NR3C1: variants seen among roughly 807,000 people sequenced by gnomAD.
NR3C1 encodes the protein nuclear receptor subfamily 3 group C member 1.
Under a neutral mutation model 74.0 loss-of-function variants are expected in NR3C1, and 14 were observed. That is an observed-to-expected ratio of 0.19 (90% CI 0.12 to 0.30). NR3C1 has a LOEUF of 0.30. NR3C1 is among the 10% of genes least tolerant of loss of function. The pLI, the probability that NR3C1 is intolerant of heterozygous loss-of-function variation, is 1.00. For synonymous variants in NR3C1, 308 were observed against 332.5 expected (o/e 0.93, Z 0.80); for missense variants, 695 against 909.8 (o/e 0.76, Z 3.04).
In NR3C1 at chr5:143,321,947, G is replaced by A. The variant is rs560646275; in HGVS notation, c.1185-7779C>T. ...CCCATGTCTTGGGTCTCTCCATATC[G>A]CCAGCATCTTGTACAAAGTTCAGTA... On this transcript the variant is annotated intron_variant, in intron 2 of 8. Transcript: ENST00000394464. Among the ~76,000 whole-genome samples, 6 of 152,134 alleles carry A rather than the reference G, an allele frequency of 3.9e-5. No individual in the cohort carries two copies. The South Asian group carries it at 1.0e-3, about 26-fold the overall frequency.
chr5:143,324,540 G>C (rs1452299090), intron 2 of NR3C1, among the ~76,000 whole-genome samples: 2 of 152,194 alleles, frequency 1.3e-5, no homozygotes, highest in African/African-American at 4.8e-5. Flanking sequence ...GCCTGTGATG[G>C]GAAGGGCTGC....
chr5:143,411,509 G>A (rs1214854105), intron 1 of NR3C1, among the ~76,000 whole-genome samples: 2 of 152,154 alleles, frequency 1.3e-5, no homozygotes, highest in Admixed American at 1.3e-4. Context: ...TACCATGAAT[G>A]ACTTCTTTGC....
intron 1 of NR3C1, chr5:143,402,528 A>G (rs940704659): frequency 3.2e-6 from 3 of 930,062 alleles, no homozygotes; most frequent in Non-Finnish European, 3.8e-6. Flanking sequence ...AACAAACGCT[A>G]AAGAGCAAGC....
intron 2 of NR3C1, among the ~76,000 whole-genome samples, chr5:143,337,709 AAAGC>A (rs1284148123): frequency 6.6e-5 from 10 of 152,244 alleles, no homozygotes; most frequent in South Asian, 2.1e-4. Context: ...TTGAATGAAA[AAAGC>A]AAGATGCAAA....
At chr5:143,367,883 G>A (rs906315430) in intron 2 of NR3C1, among the ~76,000 whole-genome samples, 2 of 152,052 alleles carry the variant, frequency 1.3e-5, no homozygotes, top group African/African-American at 4.8e-5. Context: ...TTTTCTTCCA[G>A]AAATGGAGAG....
chr5:143,283,204 A>T (rs1258458196), intron 7 of NR3C1, among the ~76,000 whole-genome samples: 2 of 152,224 alleles, frequency 1.3e-5, no homozygotes, highest in Non-Finnish European at 2.9e-5. Flanking sequence ...TTATACATGC[A>T]AGATGGGCAT....
chr5:143,406,246 G>A (rs935770004), upstream of NR3C1, among the ~76,000 whole-genome samples: 3 of 151,392 alleles, frequency 2.0e-5, no homozygotes, highest in South Asian at 4.2e-4. Flanking sequence ...CCACCTCATC[G>A]CTCATACATG....
At chr5:143,288,669 C>T (rs145954157) in intron 7 of NR3C1, among the ~76,000 whole-genome samples, 7 of 152,056 alleles carry the variant, frequency 4.6e-5, no homozygotes, top group South Asian at 2.1e-4. Flanking sequence ...GACAGGGTTT[C>T]GACATTTTGC....
chr5:143,285,176 A>G (rs1170139014), intron 7 of NR3C1, among the ~76,000 whole-genome samples: 1 of 152,148 alleles, frequency 6.6e-6, no homozygotes, highest in Non-Finnish European at 1.5e-5. Context: ...ATTTGTGCAT[A>G]CTTAGGGTGA....
chr5:143,400,935 C>T (rs1297589954), intron 1 of NR3C1, 83 bp from the exon 2 acceptor site: 1 of 1,046,914 alleles, frequency 9.6e-7, no homozygotes, highest in South Asian at 1.3e-5. Flanking sequence ...TAGTAAGAGG[C>T]AGCTTGTTAA....
intron 2 of NR3C1, among the ~76,000 whole-genome samples, chr5:143,349,924 G>A (rs1240328416): frequency 6.6e-6 from 1 of 152,152 alleles, no homozygotes; most frequent in Non-Finnish European, 1.5e-5. Flanking sequence ...GATCAAGAAT[G>A]GGCCTGCATG....
At chr5:143,308,206 A>C (rs1311365217) in intron 4 of NR3C1, among the ~76,000 whole-genome samples, 1 of 152,202 alleles carries the variant, frequency 6.6e-6, no homozygotes, top group Non-Finnish European at 1.5e-5. Context: ...CACACCTGTA[A>C]TACCAGCACT....
At chr5:143,338,577 C>T (rs1211165797) in intron 2 of NR3C1, among the ~76,000 whole-genome samples, 1 of 151,962 alleles carries the variant, frequency 6.6e-6, no homozygotes, top group Non-Finnish European at 1.5e-5. Context: ...AAAATAAAAA[C>T]ATCTTAAAAA....
intron 2 of NR3C1, among the ~76,000 whole-genome samples, chr5:143,388,146 C>T (rs879318521): frequency 6.6e-6 from 1 of 152,154 alleles, no homozygotes; most frequent in Non-Finnish European, 1.5e-5. Context: ...GGTAAACAGA[C>T]CAGAGTTATT....
Position 143,400,550 on chromosome 5 carries a change from A to T in NR3C1, c.290T>A (p.Val97Glu). The change falls in exon 2 of 9, where the codon GTG becomes GAG. Residue 97 changes from valine to glutamate, a missense_variant. Val to Glu is a moderately radical substitution (Grantham distance 121). This residue lies in a region of NR3C1 where 497 missense variants were observed against 489.5 expected (regional missense o/e 1.02). Transcript: ENST00000394464. ...GLYMGETETK[V>E]MGNDLGFPQQ... The stretch of plus-strand genomic sequence containing the variant: ...TGGGAATCCCAGGTCATTTCCCATC[A>T]CTTTTGTTTCTGTCTCTCCCATATA... The T allele has an allele frequency of 1.9e-6, 3 of 1,614,216 alleles. No individual in the cohort carries two copies. The highest frequency in any genetic ancestry group is 2.5e-6 in the Non-Finnish European group (3 of 1,180,032).
intron 2 of NR3C1, among the ~76,000 whole-genome samples, chr5:143,352,537 A>G (rs1830419813): frequency 6.6e-6 from 1 of 152,156 alleles, no homozygotes; most frequent in African/African-American, 2.4e-5. Context: ...TTTACTTGCA[A>G]AATAATATTA....
intron 2 of NR3C1, among the ~76,000 whole-genome samples, chr5:143,377,635 G>C (rs1390476192): frequency 6.6e-6 from 1 of 152,186 alleles, no homozygotes; most frequent in Non-Finnish European, 1.5e-5. Context: ...CGCTGAAAAG[G>C]TACAAGGTCC....
At chr5:143,314,670 TA>T (rs1333829893) in intron 2 of NR3C1, among the ~76,000 whole-genome samples, 1 of 152,318 alleles carries the variant, frequency 6.6e-6, no homozygotes, top group South Asian at 2.1e-4. Context: ...AGGCATCTTT[TA>T]AAATTCAATC....
At chr5:143,316,166 G>T (rs1045931479) in intron 2 of NR3C1, among the ~76,000 whole-genome samples, 1 of 152,192 alleles carries the variant, frequency 6.6e-6, no homozygotes, top group African/African-American at 2.4e-5. Context: ...TAATGTAGAG[G>T]AGCTGCTTTG....
Sources: gnomAD v4.1 joint callset for allele counts (sites outside exome capture counted in the v4.1 genomes callset) on GRCh38, gnomAD v4.1.1 for gene constraint, gnomAD v4.1.1 regional missense constraint, MANE v1.5 for transcripts, NCBI Gene and HGNC (gene_info 2026-07-23, HGNC 2026-07-21) for gene names.